AOAH: variants seen among roughly 807,000 people sequenced by gnomAD.
The protein encoded by AOAH is acyloxyacyl hydrolase, also known as acyloxyacyl hydrolase (neutrophil).
A neutral mutation model predicts 92.2 loss-of-function variants in AOAH; 64 were observed. The ratio of observed to expected loss-of-function variants is 0.69; its 90% confidence interval spans 0.57 to 0.86. The LOEUF is 0.86. Ranked by LOEUF, AOAH falls within the 40% of genes least tolerant of loss-of-function variation. AOAH has a pLI of 0.00. For missense variants in AOAH, 656 were observed against 694.6 expected (o/e 0.94, Z 0.62); for synonymous variants, 263 against 254.5 (o/e 1.03, Z -0.32).
chr7:36,703,476 T>C (rs1798163264), intron 1 of AOAH, among the ~76,000 whole-genome samples: 1 of 152,204 alleles, frequency 6.6e-6, no homozygotes, highest in African/African-American at 2.4e-5. Flanking sequence ...ACACGTGCCA[T>C]GGTGATTTGC....
intron 4 of AOAH, among the ~76,000 whole-genome samples, chr7:36,644,881 G>GT (rs1307303798): frequency 9.0e-6 from 1 of 110,768 alleles, no homozygotes; most frequent in Non-Finnish European, 1.7e-5. Context: ...CCAAATGGGC[G>GT]TTTTTTATTG....
chr7:36,703,702 T>C (rs1406195076), intron 1 of AOAH, among the ~76,000 whole-genome samples: 3 of 152,150 alleles, frequency 2.0e-5, no homozygotes, highest in African/African-American at 4.8e-5. Context: ...GCTTCATCCA[T>C]GTCCCTGCAA....
At chr7:36,659,314 T>C (rs1413183088) in intron 3 of AOAH, 49 bp from the exon 4 acceptor site, 12 of 1,454,114 alleles carry the variant, frequency 8.3e-6, no homozygotes, top group Non-Finnish European at 1.2e-5. Context: ...TCTTAGGCAT[T>C]AGGAAACAGA....
At chr7:36,643,329 A>C (rs1184142085) in intron 4 of AOAH, among the ~76,000 whole-genome samples, 2 of 152,204 alleles carry the variant, frequency 1.3e-5, no homozygotes, top group Admixed American at 1.3e-4. Flanking sequence ...CCAAGAATGA[A>C]GTAAGCCTGA....
chr7:36,677,416 A>G (rs1255012804), intron 2 of AOAH, among the ~76,000 whole-genome samples: 1 of 152,236 alleles, frequency 6.6e-6, no homozygotes, highest in East Asian at 1.9e-4. Context: ...ATAATGTGCT[A>G]TAATAAAAGA....
intron 19 of AOAH, among the ~76,000 whole-genome samples, chr7:36,530,072 T>C (rs1784599930): frequency 6.6e-6 from 1 of 152,132 alleles, no homozygotes; most frequent in Admixed American, 6.6e-5. Flanking sequence ...TTCTGTCACA[T>C]CCATCAGGTA....
intron 16 of AOAH, among the ~76,000 whole-genome samples, chr7:36,537,506 G>GTTTTTTT (rs67918250): frequency 2.3e-3 from 316 of 134,514 alleles, no homozygotes; most frequent in Non-Finnish European, 3.7e-3. Context: ...CACCCCTCTT[G>GTTTTTTT]TTTTTTTTTT....
intron 10 of AOAH, 43 bp downstream of exon 10, chr7:36,618,254 G>A (rs776080919): frequency 1.3e-6 from 2 of 1,573,486 alleles, no homozygotes; most frequent in Non-Finnish European, 1.7e-6. Flanking sequence ...AACTAGAAAA[G>A]AATATCTATC....
At chr7:36,517,078 G>A (rs747064655) in intron 20 of AOAH, among the ~76,000 whole-genome samples, 61 of 152,104 alleles carry the variant, frequency 4.0e-4, no homozygotes, top group Non-Finnish European at 5.9e-4. Context: ...TTCTCATACC[G>A]CAATTTCCTG....
chr7:36,646,912 C>A (rs1425778672), intron 4 of AOAH, among the ~76,000 whole-genome samples: 2 of 152,212 alleles, frequency 1.3e-5, no homozygotes, highest in African/African-American at 4.8e-5. Flanking sequence ...CTCAAAATTC[C>A]TTTTGCTGTC....
At chr7:36,555,064 G>T (rs563903368) in intron 13 of AOAH, among the ~76,000 whole-genome samples, 1 of 146,176 alleles carries the variant, frequency 6.8e-6, no homozygotes, top group African/African-American at 2.6e-5. Context: ...TCTTGTGCCA[G>T]TTTTCAAAGG....
chr7:36,601,096 G>A (rs1339430267), intron 11 of AOAH, among the ~76,000 whole-genome samples: 1 of 152,124 alleles, frequency 6.6e-6, no homozygotes, highest in Non-Finnish European at 1.5e-5. Context: ...CTTCCAGTGG[G>A]GTCTGGCAGA....
chr7:36,659,197 T>A lies in AOAH; in HGVS notation c.359A>T (p.Gln120Leu), dbSNP rs770708714. 6.2e-7 allele frequency: 1 copy of A among 1,614,056 alleles called. No individual in the cohort carries two copies. The highest frequency in any genetic ancestry group is 8.5e-7 in the Non-Finnish European group (1 of 1,179,880). The change falls in exon 4 of 21, where the codon CAA (glutamine) becomes CTA (leucine). Residue 120 changes from glutamine to leucine, a missense_variant. Gln to Leu is a moderately radical substitution (Grantham distance 113). Coordinates refer to ENST00000617537, the MANE Select transcript of AOAH (RefSeq NM_001637.4). ...TLEFCKQNTGQPLCHLYPLPK... is the reference protein window; with the variant it reads ...TLEFCKQNTGLPLCHLYPLPK... Reference sequence around the variant, plus strand: ...AAGAGGGTAGAGATGACACAATGGTTGGCCAGTGTTCTGTTTACAAAACTC... The same window carrying A: ...AAGAGGGTAGAGATGACACAATGGTAGGCCAGTGTTCTGTTTACAAAACTC...
At chr7:36,643,290 T>C (rs4504543) in intron 4 of AOAH, among the ~76,000 whole-genome samples, 60,944 of 152,064 alleles carry the variant, frequency 0.4, 13,193 homozygotes, top group African/African-American at 0.56. Flanking sequence ...TAGACTCTAG[T>C]GCCTTTCCCA....
chr7:36,528,271 T>C (rs866524589), intron 19 of AOAH, among the ~76,000 whole-genome samples: 2 of 152,258 alleles, frequency 1.3e-5, no homozygotes, highest in Non-Finnish European at 2.9e-5. Flanking sequence ...GAGAAATGCC[T>C]AGGAGCTTTC....
intron 1 of AOAH, among the ~76,000 whole-genome samples, chr7:36,715,551 A>C (rs1442799659): frequency 6.6e-6 from 1 of 151,428 alleles, no homozygotes; most frequent in African/African-American, 2.4e-5. Flanking sequence ...AGCTGGAGGC[A>C]TCACGCTGCC....
At chr7:36,650,878 A>G (rs1454578687) in intron 4 of AOAH, among the ~76,000 whole-genome samples, 1 of 152,246 alleles carries the variant, frequency 6.6e-6, no homozygotes, top group Admixed American at 6.5e-5. Flanking sequence ...AAAGAAATAA[A>G]GTGGTGTGAG....
intron 15 of AOAH, among the ~76,000 whole-genome samples, chr7:36,544,414 G>A (rs1330193581): frequency 3.9e-5 from 6 of 152,130 alleles, no homozygotes; most frequent in Non-Finnish European, 7.4e-5. Flanking sequence ...AGCTGAAGGT[G>A]TCTAACCCTT....
chr7:36,517,197 T>TCTTC, intron 20 of AOAH, among the ~76,000 whole-genome samples: 1 of 70,400 alleles, frequency 1.4e-5, no homozygotes, highest in Non-Finnish European at 2.9e-5. Flanking sequence ...TTTCTTTCTT[T>TCTTC]CTTTCTTTCT....
Sources: gnomAD v4.1 joint callset for allele counts (sites outside exome capture counted in the v4.1 genomes callset) on GRCh38, gnomAD v4.1.1 for gene constraint, MANE v1.5 for transcripts, NCBI Gene and HGNC (gene_info 2026-07-23, HGNC 2026-07-21) for gene names.